Variants in DOCK3 observed in about 807,000 individuals in gnomAD.
DOCK3 encodes the protein dedicator of cytokinesis protein 3.
DOCK3 carries 60 observed loss-of-function variants against 265.6 expected under a neutral mutation model. The observed-to-expected ratio is 0.23, with a 90% CI of 0.18 to 0.28. The LOEUF is 0.28. Among genes scored for constraint, DOCK3 ranks in the 10% least tolerant of loss-of-function variants. The pLI is 1.00. For synonymous variants in DOCK3, 881 were observed against 938.0 expected (o/e 0.94, Z 1.11); for missense variants, 1,981 against 2,594.3 (o/e 0.76, Z 5.14).
intron 4 of DOCK3, among the ~76,000 whole-genome samples, chr3:50,927,701 C>T (rs1413240886): frequency 6.6e-6 from 1 of 152,114 alleles, no homozygotes; most frequent in Non-Finnish European, 1.5e-5. Context: ...TTTTCTAAGT[C>T]TGGGTTGAAA....
At chr3:50,897,468 T>G (rs970888969) in intron 4 of DOCK3, among the ~76,000 whole-genome samples, 3 of 152,190 alleles carry the variant, frequency 2.0e-5, no homozygotes, top group Non-Finnish European at 2.9e-5. Flanking sequence ...TTGAATACCC[T>G]TTATTTCTTT....
intron 5 of DOCK3, among the ~76,000 whole-genome samples, chr3:51,026,815 G>A (rs2079843952): frequency 6.6e-6 from 1 of 151,870 alleles, no homozygotes; most frequent in Non-Finnish European, 1.5e-5. Context: ...TATTTATGTG[G>A]CATCAGTTTT....
At chr3:51,053,092 T>TATAG (rs1161603763) in intron 5 of DOCK3, among the ~76,000 whole-genome samples, 1 of 77,658 alleles carries the variant, frequency 1.3e-5, no homozygotes, top group Non-Finnish European at 2.7e-5. Context: ...TATATATATA[T>TATAG]ATATATATAT....
chr3:50,840,563 GTTTGCC>G (rs2045774838), intron 2 of DOCK3, among the ~76,000 whole-genome samples: 2 of 151,992 alleles, frequency 1.3e-5, no homozygotes, highest in Non-Finnish European at 2.9e-5. Context: ...TCAGTTCTCT[GTTTGCC>G]TAATCTTTCA....
intron 6 of DOCK3, among the ~76,000 whole-genome samples, chr3:51,070,559 A>C (rs934815811): frequency 6.6e-6 from 1 of 152,220 alleles, no homozygotes; most frequent in Non-Finnish European, 1.5e-5. Context: ...GTTTGGTAAA[A>C]GGTAGTAATT....
In DOCK3 at chr3:50,791,046, C is replaced by A. The variant is rs886262612; in HGVS notation, c.121+12288C>A. 2.0e-5 allele frequency among the ~76,000 whole-genome samples: 3 copies of A among 151,918 alleles called. No homozygotes were observed. In the South Asian group the frequency reaches 6.2e-4, roughly 32 times the overall value. ...GATGGATAGATTGCAAAATTTTTCT[C>A]CCATTCTGTAGGTTGTTTACTCTGT... On this transcript the variant is annotated intron_variant, in intron 2 of 52. Coordinates refer to ENST00000266037, the MANE Select transcript of DOCK3 (RefSeq NM_004947.5).
intron 4 of DOCK3, among the ~76,000 whole-genome samples, chr3:50,920,449 A>T (rs1272705755): frequency 1.3e-5 from 2 of 152,136 alleles, no homozygotes; most frequent in Non-Finnish European, 2.9e-5. Flanking sequence ...CTATTCAGGG[A>T]TTCACCTTCT....
chr3:50,954,685 TCTTGTAAATTTAAGTTC>T (rs1429128027), intron 5 of DOCK3, among the ~76,000 whole-genome samples: 2 of 152,146 alleles, frequency 1.3e-5, no homozygotes, highest in Non-Finnish European at 2.9e-5. Context: ...TGGTTTTTTT[TCTTGTAAATTTAAGTTC>T]CTTGTAGATG....
Position 51,126,171 on chromosome 3 carries a change from C to A in DOCK3, c.747-20378C>A, listed in dbSNP as rs556489140. ...AAGTAATTCTAAACTAAATTGGTTT[C>A]TTCAACCTTCATTCATTTATTTATC... On this transcript the variant is annotated intron_variant, in intron 9 of 52. Transcript: ENST00000266037. Among the ~76,000 whole-genome samples, 5 of 152,234 alleles carry A rather than the reference C, an allele frequency of 3.3e-5. No individual in the cohort carries two copies. The South Asian group carries it at 8.3e-4, about 25-fold the overall frequency.
chr3:51,138,260 T>C (rs997098858), intron 9 of DOCK3, among the ~76,000 whole-genome samples: 1 of 152,230 alleles, frequency 6.6e-6, no homozygotes, highest in Non-Finnish European at 1.5e-5. Context: ...TTCAAATAGT[T>C]TGAATATTAA....
chr3:50,938,821 G>T (rs895412735), intron 5 of DOCK3, among the ~76,000 whole-genome samples: 2 of 151,724 alleles, frequency 1.3e-5, no homozygotes, highest in African/African-American at 4.8e-5. Context: ...ATCAATGATT[G>T]CAGCTCCTGC....
At chr3:51,143,508 G>A (rs2085161301) in intron 9 of DOCK3, among the ~76,000 whole-genome samples, 1 of 152,068 alleles carries the variant, frequency 6.6e-6, no homozygotes, top group South Asian at 2.1e-4. Context: ...GACCTCAGGA[G>A]ATCTACCTGC....
chr3:51,357,917 G>A (rs747984735), intron 45 of DOCK3, 44 bp from the exon 46 acceptor site: 16 of 1,612,520 alleles, frequency 9.9e-6, no homozygotes, highest in African/African-American at 2.7e-5. Flanking sequence ...GTTCTCAGGG[G>A]CTACTCATGG....
chr3:51,174,593 T>C (rs1303548674), intron 12 of DOCK3, among the ~76,000 whole-genome samples: 2 of 152,262 alleles, frequency 1.3e-5, no homozygotes, highest in African/African-American at 2.4e-5. Flanking sequence ...GATGATTATT[T>C]TGAACTCTTC....
chr3:51,220,572 G>A (rs1331467532), intron 14 of DOCK3, among the ~76,000 whole-genome samples: 4 of 150,254 alleles, frequency 2.7e-5, no homozygotes, highest in Admixed American at 1.3e-4. Flanking sequence ...CTGGAGAATC[G>A]CTTGAACCCG....
Position 51,271,119 on chromosome 3 carries a change from G to A in DOCK3, c.2548+112G>A, listed in dbSNP as rs560175107. 17 of 1,241,434 alleles carry A rather than the reference G, an allele frequency of 1.4e-5. No individual in the cohort carries two copies. In the Admixed American group the frequency reaches 2.5e-4, roughly 19 times the overall value. 76.9% of individuals were successfully genotyped at this position (1,241,434 alleles called of 1,614,324 possible). On this transcript the variant is annotated intron_variant, in intron 24 of 52. Coordinates refer to ENST00000266037, the MANE Select transcript of DOCK3 (RefSeq NM_004947.5). ...ATCAGTTTCCTCAACGATTATGCAA[G>A]AAACCAGTAACCCTTAAGATACAGA...
At chr3:51,151,255 C>T in intron 10 of DOCK3, among the ~76,000 whole-genome samples, 1 of 152,054 alleles carries the variant, frequency 6.6e-6, no homozygotes, top group South Asian at 2.1e-4. Context: ...TGGGTCTTGA[C>T]TCTTTATCCA....
In DOCK3 at chr3:51,227,440, G is replaced by T. The variant is rs1484568955; in HGVS notation, c.1535G>T (p.Cys512Phe). ...CACCTGCGCTTTGAGTTCAGACATTGTTCCAGTGAGTTAGACTTCCCCCCC... is the reference window on the plus strand; with the variant it reads ...CACCTGCGCTTTGAGTTCAGACATTTTTCCAGTGAGTTAGACTTCCCCCCC... Reference protein sequence around the residue: ...GSHLRFEFRHCSTKDKGEKKL... With the variant: ...GSHLRFEFRHFSTKDKGEKKL... Residue 512 changes from cysteine (C) to phenylalanine (F), a missense_variant, in exon 16 of 53, where the codon TGT (cysteine) becomes TTT (phenylalanine). Around this residue, in one of 4 missense-constraint regions of DOCK3, gnomAD observed 1,357 missense variants for 1,866.8 expected, o/e 0.73. Coordinates refer to ENST00000266037, the MANE Select transcript of DOCK3 (RefSeq NM_004947.5). The T allele has an allele frequency of 1.9e-6, 3 of 1,613,564 alleles. No individual in the cohort carries two copies.
intron 27 of DOCK3, among the ~76,000 whole-genome samples, chr3:51,295,266 T>C (rs1229592203): frequency 6.6e-6 from 1 of 152,142 alleles, no homozygotes; most frequent in Non-Finnish European, 1.5e-5. Context: ...TGGCAGAAGG[T>C]GAAGGAGAGC....
Sources: allele counts gnomAD v4.1 joint callset (sites outside exome capture counted in the v4.1 genomes callset), GRCh38; gene constraint gnomAD v4.1.1; regional missense constraint gnomAD v4.1.1; transcripts MANE v1.5; gene names NCBI Gene and HGNC (gene_info 2026-07-23, HGNC 2026-07-21).